Variants in NELL1 observed in about 807,000 individuals in gnomAD.
NELL1 encodes the protein neural EGFL like 1.
Under a neutral mutation model 107.4 loss-of-function variants are expected in NELL1, and 76 were observed. The observed-to-expected ratio is 0.71, with a 90% confidence interval of 0.59 to 0.86. NELL1 has a LOEUF of 0.86. Ranked by LOEUF, NELL1 falls within the 40% of genes least tolerant of loss-of-function variation. The probability of loss-of-function intolerance (pLI) is 0.00; values close to 1 mark genes in which losing one functional copy is unlikely to be tolerated. For missense variants in NELL1, 1,024 were observed against 1,005.5 expected, an observed-to-expected ratio of 1.02 and a Z score of -0.25; for synonymous variants, 353 against 341.2, an observed-to-expected ratio of 1.03 and a Z score of -0.38.
intron 15 of NELL1, among the ~76,000 whole-genome samples, chr11:21,522,222 A>C (rs959960056): frequency 7.0e-6 from 1 of 143,180 alleles, no homozygotes; most frequent in Non-Finnish European, 1.6e-5. Context: ...TGACAGAGAG[A>C]GACTCCGTCT....
At chr11:21,113,030 G>A (rs1486747123) in intron 12 of NELL1, among the ~76,000 whole-genome samples, 1 of 151,942 alleles carries the variant, frequency 6.6e-6, no homozygotes, top group African/African-American at 2.4e-5. Context: ...TCTATCACAT[G>A]GGGAGGAGCT....
At chr11:21,416,729 C>G (rs1042381282) in intron 15 of NELL1, among the ~76,000 whole-genome samples, 19 of 152,008 alleles carry the variant, frequency 1.2e-4, no homozygotes, top group African/African-American at 4.6e-4. Context: ...TATGATGGAG[C>G]TGGTGACAGG....
chr11:20,912,914 A>G (rs1021766716), intron 5 of NELL1, among the ~76,000 whole-genome samples: 19 of 152,172 alleles, frequency 1.2e-4, no homozygotes, highest in African/African-American at 4.6e-4. Context: ...GAACTGGGGA[A>G]TCTTACACAT....
At chr11:21,378,848 G>A (rs893277172) in intron 15 of NELL1, among the ~76,000 whole-genome samples, 4 of 151,480 alleles carry the variant, frequency 2.6e-5, no homozygotes, top group Non-Finnish European at 5.9e-5. Context: ...CTCCCGAGTA[G>A]CTGGGATTAC....
Position 20,669,606 on chromosome 11 carries a change from C to T in NELL1, c.-118C>T. 2.4e-6 allele frequency: 2 copies of T among 833,282 alleles called. No individual in the cohort carries two copies. The highest frequency in any genetic ancestry group is 1.6e-5 in the South Asian group (1 of 63,258). 51.6% of individuals were successfully genotyped at this position (833,282 alleles called of 1,614,324 possible). On this transcript the variant is annotated 5_prime_UTR_variant, in exon 1 of 20. Transcript: ENST00000357134. The surrounding 1 kb of genome is among the most constrained non-coding windows in gnomAD (Gnocchi z 4.4). Reference sequence around the variant, plus strand: ...GCAGCACCCGGCGCTGCCGAGCCACCTCCCCCGCCGCCCGCTAGCAAGTTT... The same window carrying T: ...GCAGCACCCGGCGCTGCCGAGCCACTTCCCCCGCCGCCCGCTAGCAAGTTT...
intron 10 of NELL1, among the ~76,000 whole-genome samples, chr11:20,942,471 G>A (rs1454522235): frequency 1.3e-5 from 2 of 151,996 alleles, no homozygotes; most frequent in Non-Finnish European, 2.9e-5. Context: ...AGGGTTGGGA[G>A]TAGGGGAGTA....
intron 2 of NELL1, among the ~76,000 whole-genome samples, chr11:20,690,981 C>G (rs977651868): frequency 6.6e-5 from 10 of 152,000 alleles, no homozygotes; most frequent in Non-Finnish European, 5.9e-5. Context: ...TGTAGTTCTC[C>G]TTGAAGAGGT....
intron 5 of NELL1, among the ~76,000 whole-genome samples, chr11:20,898,020 C>T (rs897945235): frequency 1.3e-5 from 2 of 152,140 alleles, no homozygotes; most frequent in Non-Finnish European, 2.9e-5. Context: ...GGTGATTCCT[C>T]AGGGATCTAG....
At chr11:21,217,616 G>T (rs1857647801) in intron 13 of NELL1, among the ~76,000 whole-genome samples, 2 of 152,122 alleles carry the variant, frequency 1.3e-5, no homozygotes, top group Admixed American at 1.3e-4. Context: ...ATATTTATGT[G>T]CTTATAGGAA....
intron 4 of NELL1, among the ~76,000 whole-genome samples, chr11:20,867,242 A>G (rs1222019606): frequency 6.6e-6 from 1 of 152,156 alleles, no homozygotes; most frequent in Non-Finnish European, 1.5e-5. Context: ...TCAGATCCCT[A>G]ATTTCTCAAT....
intron 15 of NELL1, among the ~76,000 whole-genome samples, chr11:21,433,642 A>G (rs1853027573): frequency 6.6e-6 from 1 of 151,846 alleles, no homozygotes; most frequent in African/African-American, 2.4e-5. Flanking sequence ...GATGTTGAGC[A>G]TGTTTTTATA....
At chr11:20,821,210 T>C (rs1157535705) in intron 3 of NELL1, among the ~76,000 whole-genome samples, 1 of 152,120 alleles carries the variant, frequency 6.6e-6, no homozygotes, top group African/African-American at 2.4e-5. Context: ...ACGATTATGG[T>C]CATGATATCA....
At chr11:21,547,171 C>CA (rs1169144576) in intron 16 of NELL1, among the ~76,000 whole-genome samples, 2 of 151,830 alleles carry the variant, frequency 1.3e-5, no homozygotes, top group African/African-American at 4.8e-5. Flanking sequence ...TTGGGGATGG[C>CA]AATGTATATG....
At chr11:20,918,341 G>T in intron 6 of NELL1, 87 bp downstream of exon 6, 2 of 795,094 alleles carry the variant, frequency 2.5e-6, no homozygotes, top group East Asian at 5.0e-5. Flanking sequence ...GACCCAAATT[G>T]TTTACAGTGT....
At chr11:21,455,410 C>T (rs1441433777) in intron 15 of NELL1, among the ~76,000 whole-genome samples, 1 of 149,120 alleles carries the variant, frequency 6.7e-6, no homozygotes. Flanking sequence ...TGACTCACTG[C>T]AGCCTTGAAC....
chr11:20,870,940 G>A (rs560376943), intron 4 of NELL1, among the ~76,000 whole-genome samples: 2 of 152,172 alleles, frequency 1.3e-5, no homozygotes, highest in Non-Finnish European at 2.9e-5. Flanking sequence ...CAAAGCAGAA[G>A]TCAAGGCACA....
At chr11:20,721,908 G>A (rs1249106888) in intron 2 of NELL1, among the ~76,000 whole-genome samples, 2 of 152,160 alleles carry the variant, frequency 1.3e-5, no homozygotes, top group Non-Finnish European at 2.9e-5. Flanking sequence ...CTTGGCAGAG[G>A]GGGAGGGCGG....
At chr11:21,056,312 A>T (rs990227662) in intron 12 of NELL1, among the ~76,000 whole-genome samples, 2 of 152,314 alleles carry the variant, frequency 1.3e-5, no homozygotes, top group South Asian at 2.1e-4. Flanking sequence ...GCAAACAATG[A>T]TACCTTATTT....
intron 15 of NELL1, among the ~76,000 whole-genome samples, chr11:21,405,211 TCC>T: frequency 1.3e-5 from 2 of 151,714 alleles, no homozygotes; most frequent in African/African-American, 4.8e-5. Context: ...TTGTTGCTGC[TCC>T]TTGGCTTCAT....
Sources: gnomAD v4.1 joint callset for allele counts (sites outside exome capture counted in the v4.1 genomes callset) on GRCh38, gnomAD v4.1.1 for gene constraint, Gnocchi (gnomAD v3.1) non-coding constraint, MANE v1.5 for transcripts, NCBI Gene and HGNC (gene_info 2026-07-23, HGNC 2026-07-21) for gene names.